Variants in UNC5B observed in about 807,000 individuals in gnomAD.
UNC5B encodes the protein netrin receptor UNC5B.
UNC5B carries 56 observed loss-of-function variants against 103.7 expected under a neutral mutation model. The observed-to-expected ratio is 0.54, with a 90% confidence interval of 0.44 to 0.67. The LOEUF (loss-of-function observed/expected upper bound fraction) is 0.67. Among genes scored for constraint, UNC5B ranks in the 30% least tolerant of loss-of-function variants. UNC5B has a pLI of 0.00. For missense variants in UNC5B, 1,194 were observed against 1,284.5 expected (o/e 0.93, Z 1.08); for synonymous variants, 577 against 542.0 (o/e 1.06, Z -0.90).
chr10:71,253,073 C>G (rs1453008151), intron 1 of UNC5B, among the ~76,000 whole-genome samples: 3 of 152,216 alleles, frequency 2.0e-5, no homozygotes, highest in South Asian at 2.1e-4. Flanking sequence ...TCTTTGCTTC[C>G]TTGCAGCTCA....
At chr10:71,247,335 A>G (rs1449528364) in intron 1 of UNC5B, among the ~76,000 whole-genome samples, 2 of 152,176 alleles carry the variant, frequency 1.3e-5, no homozygotes, top group Non-Finnish European at 2.9e-5. Context: ...AGCAGGTGCC[A>G]TTGGCACTGG....
chr10:71,286,591 C>T, intron 4 of UNC5B, 98 bp from the exon 5 acceptor site: 1 of 1,480,988 alleles, frequency 6.8e-7, no homozygotes. Context: ...TGCCTCACTG[C>T]CACGACTATG....
chr10:71,249,127 G>A (rs550872302), intron 1 of UNC5B, among the ~76,000 whole-genome samples: 16 of 152,264 alleles, frequency 1.1e-4, no homozygotes, highest in African/African-American at 3.9e-4. Context: ...CCCTACACAG[G>A]CACCTCACCC....
intron 2 of UNC5B, among the ~76,000 whole-genome samples, 183 bp from the exon 3 acceptor site, chr10:71,284,531 AGCCACT>A (rs1225730335): frequency 6.6e-6 from 1 of 152,192 alleles, no homozygotes; most frequent in East Asian, 1.9e-4. Context: ...GGCTTGTGTT[AGCCACT>A]GCAATGTGCA....
Position 71,291,787 on chromosome 10 carries a change from C to A in UNC5B, c.1650C>A (p.Gly550=). Residue 550 remains glycine, a synonymous_variant, in exon 10 of 17, where the codon GGC becomes GGA. Coordinates refer to ENST00000335350, the MANE Select transcript of UNC5B (RefSeq NM_170744.5). ...DPGSSVSGTF[G]CLGGRLSIPG... ...GGAGCAGCGTCAGCGGCACCTTTGG[C>A]TGCCTGGGTGGGAGGCTCAGCATCC... The A allele has an allele frequency of 6.2e-7, 1 of 1,604,898 alleles. No individual in the cohort carries two copies. Among genetic ancestry groups the A allele is most frequent in the Non-Finnish European group, 8.5e-7 (1 of 1,178,976 alleles).
intron 1 of UNC5B, among the ~76,000 whole-genome samples, chr10:71,232,345 G>A (rs1843700367): frequency 1.3e-5 from 2 of 152,278 alleles, no homozygotes; most frequent in South Asian, 4.1e-4. Context: ...TATATGAGAA[G>A]TAGCAATCTT....
intron 1 of UNC5B, among the ~76,000 whole-genome samples, chr10:71,275,835 C>A (rs957631491): frequency 1.3e-5 from 2 of 151,706 alleles, no homozygotes; most frequent in Non-Finnish European, 2.9e-5. Flanking sequence ...GACACTGCAC[C>A]AACAAGTAGC....
chr10:71,212,923 C>T lies in UNC5B; in HGVS notation c.-63C>T. 8.3e-7 allele frequency: 1 copy of T among 1,210,192 alleles called. No homozygotes were observed. Among genetic ancestry groups the T allele is most frequent in the Middle Eastern group, 3.1e-4 (1 of 3,232 alleles). The allele number at this position is 1,210,192 out of a possible 1,614,324, so 75.0% of individuals were successfully genotyped here. A position where few individuals can be genotyped will look rare whatever the true frequency, so the allele number is the denominator to read the frequency against. Reference sequence around the variant, plus strand: ...GAGGCGGCGGCGGCGGAGACGGCGGCGGCGAGACTGGGGCCAGGGAGACAG... The same window carrying T: ...GAGGCGGCGGCGGCGGAGACGGCGGTGGCGAGACTGGGGCCAGGGAGACAG... On this transcript the variant is annotated 5_prime_UTR_variant, in exon 1 of 17. Transcript: ENST00000335350.
intron 1 of UNC5B, among the ~76,000 whole-genome samples, chr10:71,263,397 G>T (rs1036568133): frequency 3.3e-5 from 5 of 152,118 alleles, no homozygotes; most frequent in Non-Finnish European, 5.9e-5. Flanking sequence ...CCACTTTTCG[G>T]GATGCCCCTG....
At chr10:71,232,100 T>A (rs529322962) in intron 1 of UNC5B, among the ~76,000 whole-genome samples, 1 of 152,356 alleles carries the variant, frequency 6.6e-6, no homozygotes, top group Admixed American at 6.5e-5. Flanking sequence ...AGGGATACCC[T>A]TTTTGACCCT....
At position 71,224,364 on chromosome 10, in the gene UNC5B, G is replaced by GACACACACAC. The variant is rs58378731; in HGVS notation, c.79+11343_79+11352dup. Among the ~76,000 whole-genome samples the GACACACACAC allele has an allele frequency of 6.8e-3, 659 of 97,332 alleles. 24 individuals carry two copies. Among genetic ancestry groups the GACACACACAC allele is most frequent in the African/African-American group, 0.011 (289 of 26,192 alleles). 63.9% of individuals were successfully genotyped at this position (97,332 alleles called of 152,430 possible). ...CTGGTCCATCCCACTTCTGTATGTAGACACACACACACACACACACACACA... is the reference window on the plus strand; with the variant it reads ...CTGGTCCATCCCACTTCTGTATGTAGACACACACACACACACACACACACACACACACACA... On this transcript the variant is annotated intron_variant, in intron 1 of 16. Transcript: ENST00000335350.
intron 1 of UNC5B, among the ~76,000 whole-genome samples, chr10:71,240,156 C>T (rs1843866050): frequency 6.6e-6 from 1 of 152,216 alleles, no homozygotes; most frequent in East Asian, 1.9e-4. Context: ...GATTATGAGC[C>T]GCGCTTCTCG....
chr10:71,262,408 G>A (rs1233006700), intron 1 of UNC5B, among the ~76,000 whole-genome samples: 3 of 151,656 alleles, frequency 2.0e-5, no homozygotes, highest in Non-Finnish European at 4.4e-5. Context: ...GATTGTGGGG[G>A]GGCTGTCCTG....
rs574790562 is a variant in UNC5B, at chr10:71,284,379, C to A, written c.305-341C>A. 1.1e-3 allele frequency among the ~76,000 whole-genome samples: 174 copies of A among 152,274 alleles called. 1 individual carries two copies. Among genetic ancestry groups the A allele is most frequent in the Non-Finnish European group, 1.9e-3 (132 of 68,012 alleles). On this transcript the variant is annotated intron_variant, in intron 2 of 16. Transcript: ENST00000335350. The stretch of plus-strand genomic sequence containing the variant: ...GGTGGATGCACAGTGCAGCTCAGAG[C>A]CACTCCTGGGGATGACCCTACCCGC...
At position 71,293,420 on chromosome 10, in the gene UNC5B, G is replaced by A; in HGVS notation, c.1788G>A (p.Gly596=). 6.2e-7 allele frequency: 1 copy of A among 1,613,556 alleles called. No homozygotes were observed. Among genetic ancestry groups the A allele is most frequent in the Non-Finnish European group, 8.5e-7 (1 of 1,179,802 alleles). Residue 596 remains glycine (G), a synonymous_variant, in exon 12 of 17, where the codon GGG becomes GGA. Transcript: ENST00000335350. ...KAESTLPLSE[G]TQTVLSPSVT... Reference sequence around the variant, plus strand: ...CCTCCTCCAGCCCGCTTTCAGAAGGGACCCAGACAGTATTGAGCCCCTCGG... The same window carrying A: ...CCTCCTCCAGCCCGCTTTCAGAAGGAACCCAGACAGTATTGAGCCCCTCGG...
At position 71,291,095 on chromosome 10, in the gene UNC5B, A is replaced by C; in HGVS notation, c.1280A>C (p.Lys427Thr). The C allele has an allele frequency of 6.2e-7, 1 of 1,613,748 alleles. No individual in the cohort carries two copies. The highest frequency in any genetic ancestry group is 8.5e-7 in the Non-Finnish European group (1 of 1,179,780). Reference sequence around the variant, plus strand: ...GGTGGTTTCCACCCCGTCAACTTTAAGACGGCAAGGCCCAGTAAGAACCCG... The same window carrying C: ...GGTGGTTTCCACCCCGTCAACTTTACGACGGCAAGGCCCAGTAAGAACCCG... ...LTGGFHPVNF[K>T]TARPSNPQLL... is the part of the protein sequence containing the mutation. The change falls in exon 9 of 17, where the codon AAG becomes ACG. Residue 427 changes from lysine (K) to threonine (T), a missense_variant. Coordinates refer to ENST00000335350, the MANE Select transcript of UNC5B (RefSeq NM_170744.5).
chr10:71,245,603 A>T (rs1231772560), intron 1 of UNC5B, among the ~76,000 whole-genome samples: 2 of 152,156 alleles, frequency 1.3e-5, no homozygotes, highest in East Asian at 3.9e-4. Flanking sequence ...ATGCCACCTC[A>T]TCCCTGGTAG....
At chr10:71,264,971 T>C (rs867089525) in intron 1 of UNC5B, among the ~76,000 whole-genome samples, 3 of 120,850 alleles carry the variant, frequency 2.5e-5, no homozygotes, top group Non-Finnish European at 5.3e-5. Flanking sequence ...CCTGTCTCTA[T>C]AAAAAAAAAA....
chr10:71,289,758 GGAGCCCAGCCCT>G (rs59599018), intron 8 of UNC5B, among the ~76,000 whole-genome samples: 117,292 of 151,696 alleles, frequency 0.77, 46,406 homozygotes, highest in Middle Eastern at 0.86. Context: ...TGCTGAACCA[GGAGCCCAGCCCT>G]GAGGGGTCCT....
Sources: allele counts gnomAD v4.1 joint callset (sites outside exome capture counted in the v4.1 genomes callset), GRCh38; gene constraint gnomAD v4.1.1; transcripts MANE v1.5; gene names NCBI Gene and HGNC (gene_info 2026-07-23, HGNC 2026-07-21).